CRB1: variants seen among roughly 807,000 people sequenced by gnomAD.
CRB1 encodes the protein crumbs cell polarity complex component 1.
CRB1 carries 83 observed loss-of-function variants against 120.0 expected under a neutral mutation model. The observed-to-expected ratio is 0.69, with a 90% CI of 0.58 to 0.83. CRB1 has a LOEUF of 0.83. Among genes scored for constraint, CRB1 ranks in the 40% least tolerant of loss-of-function variants. The pLI is 0.00. For missense variants in CRB1, 1,699 were observed against 1,687.6 expected (o/e 1.01, Z -0.12); for synonymous variants, 625 against 612.5 (o/e 1.02, Z -0.30).
At chr1:197,367,896 A>C (rs1661163089) in intron 5 of CRB1, among the ~76,000 whole-genome samples, 1 of 152,224 alleles carries the variant, frequency 6.6e-6, no homozygotes, top group African/African-American at 2.4e-5. Flanking sequence ...TTTCTTAACA[A>C]TAAACACCCC....
chr1:197,230,943 A>C, the CRB1 span, among the ~76,000 whole-genome samples: 1 of 152,198 alleles, frequency 6.6e-6, no homozygotes, highest in African/African-American at 2.4e-5. Flanking sequence ...AGATGATAGT[A>C]TCTCTCATGA....
At chr1:197,345,941 AC>A (rs1659746823) in intron 3 of CRB1, among the ~76,000 whole-genome samples, 1 of 152,124 alleles carries the variant, frequency 6.6e-6, no homozygotes, top group Admixed American at 6.6e-5. Flanking sequence ...ATTCCTGGAG[AC>A]AGGTAACTGG....
intron 11 of CRB1, among the ~76,000 whole-genome samples, chr1:197,454,577 C>G (rs1338115722): frequency 6.6e-6 from 1 of 152,066 alleles, no homozygotes; most frequent in Non-Finnish European, 1.5e-5. Flanking sequence ...TGGAAACAGG[C>G]AACATACAGA....
intron 5 of CRB1, among the ~76,000 whole-genome samples, chr1:197,373,955 G>C (rs1023422956): frequency 1.3e-5 from 2 of 152,196 alleles, no homozygotes; most frequent in African/African-American, 4.8e-5. Flanking sequence ...ACCAATGGTA[G>C]TCCCAAGAGA....
intron 11 of CRB1, among the ~76,000 whole-genome samples, chr1:197,468,114 T>C (rs935394009): frequency 3.7e-4 from 56 of 152,284 alleles, no homozygotes; most frequent in African/African-American, 1.3e-3. Flanking sequence ...TTTGTTCTCC[T>C]TAAAGCAATT....
In CRB1 at chr1:197,435,110, G is replaced by T. The variant is rs749624018; in HGVS notation, c.3247G>T (p.Gly1083Ter). The change falls in exon 9 of 12, where the codon GGA (glycine) becomes TGA (stop). Residue 1083 changes from glycine to a stop codon, truncating the protein, a stop_gained. Transcript: ENST00000367400. LOFTEE classifies it high-confidence loss of function. ...FLKDNTDIYV[G>*]DRAIDNIKGL... Reference sequence around the variant, plus strand: ...GAAGGATAATACAGATATTTATGTGGGAGACAGAGCTATTGACAATATAAA... The same window carrying T: ...GAAGGATAATACAGATATTTATGTGTGAGACAGAGCTATTGACAATATAAA... The T allele has an allele frequency of 6.2e-7, 1 of 1,613,846 alleles. No individual in the cohort carries two copies.
rs190119628 is a variant in CRB1, at chr1:197,452,191, C to T, written c.4005+9899C>T. 3.4e-3 allele frequency among the ~76,000 whole-genome samples: 521 copies of T among 152,244 alleles called. 2 individuals carry two copies. The highest frequency in any genetic ancestry group is 3.8e-3 in the Non-Finnish European group (261 of 68,020). ...GTCTGTCAACCCACAGTTCAATATTCTTCCTGCTGTTCTAAGACGACGAAG... is the reference window on the plus strand; with the variant it reads ...GTCTGTCAACCCACAGTTCAATATTTTTCCTGCTGTTCTAAGACGACGAAG... On this transcript the variant is annotated intron_variant, in intron 11 of 11. Coordinates refer to ENST00000367400, the MANE Select transcript of CRB1 (RefSeq NM_201253.3).
chr1:197,458,344 A>G (rs2125543390), intron 11 of CRB1, among the ~76,000 whole-genome samples: 1 of 152,214 alleles, frequency 6.6e-6, no homozygotes, highest in Non-Finnish European at 1.5e-5. Context: ...TGCCATTAAG[A>G]ACACTAAAGC....
intron 1 of CRB1, among the ~76,000 whole-genome samples, chr1:197,310,995 A>G (rs1336665767): frequency 6.6e-6 from 1 of 152,198 alleles, no homozygotes; most frequent in Non-Finnish European, 1.5e-5. Flanking sequence ...TTCATCTGAC[A>G]TAGAAATTTC....
intron 5 of CRB1, among the ~76,000 whole-genome samples, chr1:197,420,512 T>C (rs188342398): frequency 2.6e-5 from 4 of 152,312 alleles, no homozygotes; most frequent in East Asian, 3.9e-4. Context: ...TTTATATTTC[T>C]GGCAAACTTT....
intron 1 of CRB1, among the ~76,000 whole-genome samples, chr1:197,312,350 G>T (rs1471225257): frequency 1.3e-5 from 2 of 152,166 alleles, no homozygotes; most frequent in Non-Finnish European, 2.9e-5. Flanking sequence ...AATCACCTGA[G>T]GTCAGGAGTT....
At chr1:197,457,135 C>T (rs979287941) in intron 11 of CRB1, among the ~76,000 whole-genome samples, 6 of 152,172 alleles carry the variant, frequency 3.9e-5, no homozygotes, top group South Asian at 2.1e-4. Context: ...GTAAAGATTT[C>T]CTTGCTTCCC....
At chr1:197,462,787 G>A (rs1003676547) in intron 11 of CRB1, among the ~76,000 whole-genome samples, 2 of 152,106 alleles carry the variant, frequency 1.3e-5, no homozygotes, top group Non-Finnish European at 2.9e-5. Context: ...GAAAATACAT[G>A]GAAACTTGTT....
At chr1:197,424,637 C>T (rs1443781064) in intron 6 of CRB1, among the ~76,000 whole-genome samples, 5 of 152,142 alleles carry the variant, frequency 3.3e-5, no homozygotes, top group Non-Finnish European at 5.9e-5. Flanking sequence ...CAGCTTAATA[C>T]AACATTGACT....
the CRB1 span, among the ~76,000 whole-genome samples, chr1:197,205,306 G>A: frequency 6.6e-6 from 1 of 152,064 alleles, no homozygotes; most frequent in Non-Finnish European, 1.5e-5. Flanking sequence ...TGGTGAGAGT[G>A]GGCATCGTTA....
At chr1:197,262,833 A>C in the CRB1 span, among the ~76,000 whole-genome samples, 1 of 152,174 alleles carries the variant, frequency 6.6e-6, no homozygotes, top group Non-Finnish European at 1.5e-5. Flanking sequence ...CTGCAGCTGC[A>C]TCTATGTTCT....
intron 5 of CRB1, among the ~76,000 whole-genome samples, chr1:197,387,217 C>T (rs1329661988): frequency 1.3e-5 from 2 of 152,074 alleles, no homozygotes; most frequent in Non-Finnish European, 2.9e-5. Context: ...ATTCTCCTGC[C>T]TCAGCCTCCG....
At chr1:197,283,605 A>T (rs1175319436) in intron 1 of CRB1, among the ~76,000 whole-genome samples, 1 of 151,790 alleles carries the variant, frequency 6.6e-6, no homozygotes, top group East Asian at 1.9e-4. Context: ...GTATTCCATC[A>T]TGTATCTATC....
At chr1:197,357,175 A>C (rs1387457868) in intron 5 of CRB1, 162 bp downstream of exon 5, 2 of 726,820 alleles carry the variant, frequency 2.8e-6, no homozygotes, top group Admixed American at 2.0e-5. Context: ...CTTGTTTCAC[A>C]TTTCAGAATT....
Sources: allele counts gnomAD v4.1 joint callset (sites outside exome capture counted in the v4.1 genomes callset), GRCh38; gene constraint gnomAD v4.1.1; transcripts MANE v1.5; gene names NCBI Gene and HGNC (gene_info 2026-07-23, HGNC 2026-07-21).